POT1: variants seen among roughly 807,000 people sequenced by gnomAD.
POT1 encodes the protein protection of telomeres protein 1.
In POT1, 47 loss-of-function variants were observed where a neutral mutation model predicts 78.5. That is an observed-to-expected ratio of 0.60 (90% CI 0.47 to 0.76). The LOEUF is 0.76. Among genes scored for constraint, POT1 ranks in the 30% least tolerant of loss-of-function variants. POT1 has a pLI of 0.00. For missense variants in POT1, 646 were observed against 749.9 expected (o/e 0.86, Z 1.62); for synonymous variants, 259 against 260.7 (o/e 0.99, Z 0.06).
intron 9 of POT1, among the ~76,000 whole-genome samples, chr7:124,855,866 A>G (rs562999130): frequency 6.6e-6 from 1 of 152,178 alleles, no homozygotes; most frequent in East Asian, 1.9e-4. Context: ...CATAATTATG[A>G]CCACGTATAT....
chr7:124,865,699 A>C (rs1374145858), intron 7 of POT1, among the ~76,000 whole-genome samples: 1 of 150,860 alleles, frequency 6.6e-6, no homozygotes, highest in African/African-American at 2.4e-5. Context: ...TATTTTATTT[A>C]TTAATTATTA....
rs113690950 is a variant in POT1 at position 124,837,966 on chromosome 7, T to C, written c.1370-2552A>G. ...AAGAAAAATTGTATGATCATATTAA[T>C]AGATGCAATAGAAAAAGCATTTGAT... On this transcript the variant is annotated intron_variant, in intron 14 of 18. Transcript: ENST00000357628. Among the ~76,000 whole-genome samples, 375 of 152,296 alleles carry C rather than the reference T, an allele frequency of 2.5e-3. 1 individual carries two copies. The highest frequency in any genetic ancestry group is 8.6e-3 in the African/African-American group (359 of 41,584).
rs573283235 is a variant in POT1 at position 124,839,523 on chromosome 7, T to C, written c.1369+1450A>G. On this transcript the variant is annotated intron_variant, in intron 14 of 18. Coordinates refer to ENST00000357628, the MANE Select transcript of POT1 (RefSeq NM_015450.3). ...TGGTTCATCTCTAAGTCCAGGTCAG[T>C]TTTTGATTTTGTTACTTCCTAACCA... 1.8e-4 allele frequency among the ~76,000 whole-genome samples: 27 copies of C among 152,290 alleles called. 1 individual carries two copies. The highest frequency in any genetic ancestry group is 4.6e-4 in the African/African-American group (19 of 41,572).
At chr7:124,827,714 T>C (rs937227924) in intron 16 of POT1, among the ~76,000 whole-genome samples, 3 of 152,166 alleles carry the variant, frequency 2.0e-5, no homozygotes, top group Admixed American at 1.3e-4. Flanking sequence ...AGCAATTTAA[T>C]CTTTTTGATT....
chr7:124,858,816 A>G, intron 9 of POT1, 141 bp downstream of exon 9: 4 of 501,330 alleles, frequency 8.0e-6, no homozygotes, highest in Admixed American at 8.2e-5. Flanking sequence ...CATACATTTT[A>G]CAACTTAAAA....
At chr7:124,855,601 CA>C (rs1200461560) in intron 9 of POT1, among the ~76,000 whole-genome samples, 3 of 150,240 alleles carry the variant, frequency 2.0e-5, no homozygotes, top group African/African-American at 7.3e-5. Context: ...AATGAAACAT[CA>C]ACCAAAAAAT....
rs760160619 is a variant in POT1 at position 124,863,493 on chromosome 7, C to T, written c.403G>A (p.Ala135Thr). 8 of 1,613,988 alleles carry T rather than the reference C, an allele frequency of 5.0e-6. No individual in the cohort carries two copies. The highest frequency in any genetic ancestry group is 1.1e-5 in the South Asian group (1 of 91,074). Residue 135 changes from alanine (A) to threonine (T), a missense_variant, in exon 8 of 19, where the codon GCC becomes ACC. By Grantham distance (58) the Ala-to-Thr change is moderately conservative. This residue lies in a region of POT1 where 252 missense variants were observed against 341.4 expected (regional missense o/e 0.74). Transcript: ENST00000357628. Reference protein sequence around the residue: ...FTTEDHKMVEALRVWASTHMS... With the variant: ...FTTEDHKMVETLRVWASTHMS... The stretch of plus-strand genomic sequence containing the variant: ...TGAGTAGATGCCCAAACACGTAAGG[C>T]TTCTACCATTTTGTGGTCCTCAGTA...
intron 9 of POT1, among the ~76,000 whole-genome samples, chr7:124,854,455 G>A (rs962114272): frequency 6.6e-6 from 1 of 151,774 alleles, no homozygotes; most frequent in African/African-American, 2.4e-5. Flanking sequence ...AAAAAAAGAT[G>A]AGTAGCAAAT....
chr7:124,890,066 A>C (rs1406713345), intron 6 of POT1, among the ~76,000 whole-genome samples: 1 of 151,938 alleles, frequency 6.6e-6, no homozygotes, highest in African/African-American at 2.4e-5. Context: ...AAAACCTAGA[A>C]AGTATTTATT....
At chr7:124,910,799 C>T (rs964744276) in intron 3 of POT1, among the ~76,000 whole-genome samples, 7 of 151,806 alleles carry the variant, frequency 4.6e-5, no homozygotes, top group Non-Finnish European at 1.0e-4. Context: ...TATGAATTCC[C>T]AACAAACATA....
rs556397307 is a variant in POT1 at position 124,916,202 on chromosome 7, T to C, written c.-226-556A>G. On this transcript the variant is annotated intron_variant, in intron 2 of 18. Transcript: ENST00000357628. ...GGTTTTTGTAAATAAAATTTAAAAATAGATCCTATTAGCCTCCCAGGCTAA... is the reference window on the plus strand; with the variant it reads ...GGTTTTTGTAAATAAAATTTAAAAACAGATCCTATTAGCCTCCCAGGCTAA... 5.9e-5 allele frequency among the ~76,000 whole-genome samples: 9 copies of C among 152,260 alleles called. 1 individual carries two copies. In the South Asian group the frequency reaches 1.9e-3, roughly 32 times the overall value.
chr7:124,887,626 G>A (rs1424694658), intron 6 of POT1, among the ~76,000 whole-genome samples: 1 of 152,034 alleles, frequency 6.6e-6, no homozygotes, highest in Non-Finnish European at 1.5e-5. Context: ...AGGAGATAAA[G>A]TCTACATTTC....
At chr7:124,873,480 G>A (rs1384313516) in intron 6 of POT1, among the ~76,000 whole-genome samples, 1 of 152,172 alleles carries the variant, frequency 6.6e-6, no homozygotes, top group Non-Finnish European at 1.5e-5. Context: ...TCTCTTTAAT[G>A]TGCTGTTGAA....
At chr7:124,925,437 A>G (rs1009113840) in intron 2 of POT1, among the ~76,000 whole-genome samples, 5 of 152,104 alleles carry the variant, frequency 3.3e-5, no homozygotes, top group Non-Finnish European at 7.4e-5. Context: ...AAAACTACAA[A>G]GGACGGATGA....
intron 9 of POT1, 124 bp downstream of exon 9, chr7:124,858,833 G>A: frequency 1.8e-6 from 1 of 557,052 alleles, no homozygotes; most frequent in Admixed American, 4.0e-5. Context: ...AAAAATCAAA[G>A]AAATAAATAT....
chr7:124,915,850 T>A (rs545151828), intron 2 of POT1, among the ~76,000 whole-genome samples: 1 of 152,168 alleles, frequency 6.6e-6, no homozygotes, highest in Non-Finnish European at 1.5e-5. Flanking sequence ...ACTTCAAGGT[T>A]TATAATATAA....
At chr7:124,849,533 T>A (rs1338953560) in intron 11 of POT1, among the ~76,000 whole-genome samples, 1 of 152,156 alleles carries the variant, frequency 6.6e-6, no homozygotes, top group Non-Finnish European at 1.5e-5. Flanking sequence ...ACACTGCTAT[T>A]TGGATATAAA....
intron 16 of POT1, 110 bp from the exon 17 acceptor site, chr7:124,827,415 A>G (rs539884334): frequency 2.0e-5 from 10 of 490,578 alleles, no homozygotes; most frequent in African/African-American, 1.8e-4. Flanking sequence ...ATTTACTAAA[A>G]TAACTCAAGA....
At chr7:124,844,934 A>G (rs1795128932) in intron 12 of POT1, among the ~76,000 whole-genome samples, 1 of 152,146 alleles carries the variant, frequency 6.6e-6, no homozygotes, top group Admixed American at 6.5e-5. Context: ...AAGATTCACC[A>G]ATTGTTAACA....
Sources: allele counts gnomAD v4.1 joint callset (sites outside exome capture counted in the v4.1 genomes callset), GRCh38; gene constraint gnomAD v4.1.1; regional missense constraint gnomAD v4.1.1; transcripts MANE v1.5; gene names NCBI Gene and HGNC (gene_info 2026-07-23, HGNC 2026-07-21).